The following DTNBP1 variants were observed in gnomAD, a reference collection of about 807,000 sequenced individuals.
DTNBP1 encodes dystrobrevin binding protein 1, also known as dysbindin.
In DTNBP1, 35 loss-of-function variants were observed where a neutral mutation model predicts 42.8. The observed-to-expected ratio is 0.82, with a 90% CI of 0.63 to 1.09. DTNBP1 has a LOEUF of 1.09. DTNBP1 is among the 50% of genes least tolerant of loss of function. DTNBP1 has a pLI of 0.00. For missense variants in DTNBP1, 457 were observed against 424.2 expected, an observed-to-expected ratio of 1.08 and a Z score of -0.68; for synonymous variants, 171 against 162.2, an observed-to-expected ratio of 1.05 and a Z score of -0.41.
intron 7 of DTNBP1, among the ~76,000 whole-genome samples, chr6:15,543,019 G>A (rs1168077123): frequency 6.6e-6 from 1 of 152,046 alleles, no homozygotes; most frequent in Non-Finnish European, 1.5e-5. Flanking sequence ...TTATTTAATA[G>A]GGTATTTTTG....
At chr6:15,557,916 T>C (rs1259952868) in intron 7 of DTNBP1, among the ~76,000 whole-genome samples, 1 of 152,120 alleles carries the variant, frequency 6.6e-6, no homozygotes, top group African/African-American at 2.4e-5. Flanking sequence ...CTTTTAGATA[T>C]CAGTCCCCTA....
intron 7 of DTNBP1, among the ~76,000 whole-genome samples, chr6:15,573,708 CGTTT>C (rs1312467152): frequency 2.0e-5 from 3 of 151,852 alleles, no homozygotes; most frequent in African/African-American, 7.3e-5. Flanking sequence ...GTTTTGTTTT[CGTTT>C]GTTTGTTTTT....
chr6:15,587,837 A>T lies in DTNBP1; in HGVS notation c.511+5222T>A, dbSNP rs1776142259. ...ATCACAGACCTAAATGTAAGAGCTA[A>T]CTAGTGTTGTCAAGGATGAGGAGAA... On this transcript the variant is annotated intron_variant, in intron 7 of 9. Transcript: ENST00000344537. This position sits in a 1 kb window ranked among gnomAD's most constrained non-coding sequence, Gnocchi z 4.1. Among the ~76,000 whole-genome samples, 1 of 152,194 alleles carries T rather than the reference A, an allele frequency of 6.6e-6. No homozygotes were observed. Among genetic ancestry groups the T allele is most frequent in the Admixed American group, 6.5e-5 (1 of 15,280 alleles).
chr6:15,554,907 A>G (rs1774423427), intron 7 of DTNBP1, among the ~76,000 whole-genome samples: 1 of 152,112 alleles, frequency 6.6e-6, no homozygotes, highest in South Asian at 2.1e-4. Context: ...AATGCTGGTC[A>G]GTTATGCGAA....
chr6:15,582,270 A>G (rs1775873311), intron 7 of DTNBP1, among the ~76,000 whole-genome samples: 1 of 152,200 alleles, frequency 6.6e-6, no homozygotes, highest in Non-Finnish European at 1.5e-5. Flanking sequence ...GTGAAGTGAG[A>G]AAAACACAGG....
chr6:15,560,908 C>A (rs1179093958), intron 7 of DTNBP1, among the ~76,000 whole-genome samples: 1 of 152,180 alleles, frequency 6.6e-6, no homozygotes, highest in Non-Finnish European at 1.5e-5. Context: ...TTAAAAAGAG[C>A]CTATACAGCA....
intron 5 of DTNBP1, among the ~76,000 whole-genome samples, chr6:15,620,746 G>A (rs189264979): frequency 1.7e-3 from 259 of 152,254 alleles, no homozygotes; most frequent in African/African-American, 5.9e-3. Flanking sequence ...ATTCAGTATC[G>A]TGCATGTATG....
At chr6:15,538,346 C>A (rs1462048899) in intron 7 of DTNBP1, among the ~76,000 whole-genome samples, 1 of 152,152 alleles carries the variant, frequency 6.6e-6, no homozygotes, top group African/African-American at 2.4e-5. Context: ...CCCGGGCTGA[C>A]AGCAGGTGAA....
At chr6:15,604,654 C>T (rs992124136) in intron 6 of DTNBP1, among the ~76,000 whole-genome samples, 4 of 152,088 alleles carry the variant, frequency 2.6e-5, no homozygotes, top group South Asian at 2.1e-4. Context: ...ACTGGTCAAA[C>T]GCCACTACAG....
chr6:15,593,165 T>G (rs1287554358), intron 6 of DTNBP1, 84 bp from the exon 7 acceptor site: 39 of 1,276,178 alleles, frequency 3.1e-5, no homozygotes, highest in Admixed American at 1.2e-4. Flanking sequence ...TAATAAAAAC[T>G]TATGTACTTT....
intron 7 of DTNBP1, among the ~76,000 whole-genome samples, chr6:15,558,882 A>G (rs1774675676): frequency 6.6e-6 from 1 of 152,342 alleles, no homozygotes; most frequent in Non-Finnish European, 1.5e-5. Flanking sequence ...ATTGCAGTAC[A>G]TTCTTAAATA....
intron 1 of DTNBP1, among the ~76,000 whole-genome samples, chr6:15,654,833 G>T (rs1020654188): frequency 1.3e-5 from 2 of 152,088 alleles, no homozygotes; most frequent in African/African-American, 4.8e-5. Flanking sequence ...GTAAAAAGTC[G>T]TTTCTAAGAA....
intron 6 of DTNBP1, among the ~76,000 whole-genome samples, chr6:15,606,168 C>T (rs1175385988): frequency 6.6e-6 from 1 of 152,200 alleles, no homozygotes; most frequent in Non-Finnish European, 1.5e-5. Context: ...TTTCCCTACC[C>T]ACTGGGAGAA....
chr6:15,594,464 CAAA>C (rs11417449), intron 6 of DTNBP1, among the ~76,000 whole-genome samples: 2 of 74,068 alleles, frequency 2.7e-5, no homozygotes, highest in Non-Finnish European at 5.7e-5. Flanking sequence ...GACTCTGTCT[CAAA>C]AAAAAAAAAA....
chr6:15,532,433 C>G (rs183312121), intron 8 of DTNBP1, among the ~76,000 whole-genome samples: 34 of 152,276 alleles, frequency 2.2e-4, no homozygotes, highest in African/African-American at 7.0e-4. Flanking sequence ...AAAGATGCAG[C>G]CTTTGACACA....
chr6:15,571,208 T>C (rs991347969), intron 7 of DTNBP1, among the ~76,000 whole-genome samples: 6 of 152,220 alleles, frequency 3.9e-5, no homozygotes, highest in African/African-American at 1.4e-4. Flanking sequence ...GATGGGGACA[T>C]GGAGGTTCAT....
chr6:15,560,539 C>CA (rs1774787765), intron 7 of DTNBP1, among the ~76,000 whole-genome samples: 1 of 152,126 alleles, frequency 6.6e-6, no homozygotes, highest in Non-Finnish European at 1.5e-5. Context: ...TAACAGGGCC[C>CA]AGTTGGAGAA....
At chr6:15,615,128 A>G in intron 6 of DTNBP1, 139 bp downstream of exon 6, 1 of 1,350,760 alleles carries the variant, frequency 7.4e-7, no homozygotes, top group Non-Finnish European at 1.0e-6. Context: ...TTTTAAAAAA[A>G]GTTTTGGAAA....
intron 4 of DTNBP1, 83 bp downstream of exon 4, chr6:15,637,661 T>C (rs1760107851): frequency 1.4e-6 from 2 of 1,435,538 alleles, no homozygotes; most frequent in African/African-American, 2.8e-5. Flanking sequence ...ACACAAACAA[T>C]TATAAATTCA....
Sources: allele counts gnomAD v4.1 joint callset (sites outside exome capture counted in the v4.1 genomes callset), GRCh38; gene constraint gnomAD v4.1.1; non-coding constraint Gnocchi (gnomAD v3.1); transcripts MANE v1.5; gene names NCBI Gene and HGNC (gene_info 2026-07-23, HGNC 2026-07-21).